GRM7: variants seen among roughly 807,000 people sequenced by gnomAD.
GRM7 encodes glutamate metabotropic receptor 7, also known as metabotropic glutamate receptor 7.
Under a neutral mutation model 84.5 loss-of-function variants are expected in GRM7, and 35 were observed. The ratio of observed to expected loss-of-function variants is 0.41; its 90% CI spans 0.32 to 0.55. The LOEUF (loss-of-function observed/expected upper bound fraction) is 0.55, where lower values mean the gene tolerates loss of function less well. GRM7 is among the 20% of genes least tolerant of loss of function. The pLI, the probability that GRM7 is intolerant of heterozygous loss-of-function variation, is 0.19. For synonymous variants in GRM7, 487 were observed against 455.1 expected, an observed-to-expected ratio of 1.07 and a Z score of -0.89; for missense variants, 1,003 against 1,194.6, an observed-to-expected ratio of 0.84 and a Z score of 2.36.
At chr3:7,379,668 A>G (rs1158929324) in intron 4 of GRM7, among the ~76,000 whole-genome samples, 1 of 152,184 alleles carries the variant, frequency 6.6e-6, no homozygotes, top group Non-Finnish European at 1.5e-5. Flanking sequence ...GAATGCAAGT[A>G]TGTTAATTTT....
chr3:7,018,197 G>C (rs1174240451), intron 1 of GRM7, among the ~76,000 whole-genome samples: 1 of 152,126 alleles, frequency 6.6e-6, no homozygotes, highest in East Asian at 1.9e-4. Flanking sequence ...AAGAAGTACT[G>C]TATTTACATT....
chr3:7,392,882 C>T (rs1045212416), intron 4 of GRM7, among the ~76,000 whole-genome samples: 2 of 152,156 alleles, frequency 1.3e-5, no homozygotes, highest in Admixed American at 6.5e-5. Context: ...TGTTACAGGG[C>T]AGTGGGCATT....
At chr3:6,957,020 T>C (rs1328822862) in intron 1 of GRM7, among the ~76,000 whole-genome samples, 1 of 152,234 alleles carries the variant, frequency 6.6e-6, no homozygotes, top group Non-Finnish European at 1.5e-5. Context: ...TTTAACCTTC[T>C]ATTTATATGT....
intron 1 of GRM7, among the ~76,000 whole-genome samples, chr3:6,889,847 G>A (rs1368852517): frequency 1.3e-5 from 2 of 152,132 alleles, no homozygotes; most frequent in African/African-American, 2.4e-5. Context: ...ATTCGGCTGT[G>A]AATCCATCTG....
At chr3:7,095,435 C>T (rs1443303725) in intron 1 of GRM7, among the ~76,000 whole-genome samples, 1 of 152,078 alleles carries the variant, frequency 6.6e-6, no homozygotes, top group Non-Finnish European at 1.5e-5. Flanking sequence ...TTGGGTTTGG[C>T]AAGTCATGTT....
At chr3:7,252,689 C>CTTTTTTTCTTTTCTTTTTTTCTTTTG (rs372263486) in intron 2 of GRM7, among the ~76,000 whole-genome samples, 1 of 113,650 alleles carries the variant, frequency 8.8e-6, no homozygotes, top group Non-Finnish European at 1.9e-5. Flanking sequence ...TTCTTTTTTT[C>CTTTTTTTCTTTTCTTTTTTTCTTTTG]TTTTCTTTTC....
At chr3:6,984,672 G>A (rs996919135) in intron 1 of GRM7, among the ~76,000 whole-genome samples, 1 of 151,976 alleles carries the variant, frequency 6.6e-6, no homozygotes, top group Non-Finnish European at 1.5e-5. Flanking sequence ...TCTGGATCTT[G>A]CACTCACCCT....
intron 8 of GRM7, among the ~76,000 whole-genome samples, chr3:7,647,125 A>G (rs1321252220): frequency 6.6e-6 from 1 of 152,204 alleles, no homozygotes; most frequent in Non-Finnish European, 1.5e-5. Context: ...GAAGGAAAGA[A>G]CCCGTGTGGG....
At chr3:7,261,476 C>T (rs1172020220) in intron 2 of GRM7, among the ~76,000 whole-genome samples, 3 of 152,150 alleles carry the variant, frequency 2.0e-5, no homozygotes, top group East Asian at 1.9e-4. Flanking sequence ...TTACTCTCAA[C>T]GTATGGGTGT....
At chr3:6,870,395 T>G (rs576535544) in intron 1 of GRM7, among the ~76,000 whole-genome samples, 179 of 152,234 alleles carry the variant, frequency 1.2e-3, no homozygotes, top group African/African-American at 4.2e-3. Context: ...GCCTGGCATG[T>G]TAGAAGAATA....
chr3:7,729,371 A>G (rs1288741738), intron 9 of GRM7, among the ~76,000 whole-genome samples: 2 of 152,202 alleles, frequency 1.3e-5, no homozygotes, highest in Non-Finnish European at 2.9e-5. Flanking sequence ...GCAGTTTAAA[A>G]TAACTCCTAT....
intron 4 of GRM7, among the ~76,000 whole-genome samples, chr3:7,324,573 T>A (rs1700912320): frequency 6.6e-6 from 1 of 152,178 alleles, no homozygotes; most frequent in Non-Finnish European, 1.5e-5. Flanking sequence ...TCCCCTCAAG[T>A]GACCTAGTTC....
chr3:7,677,284 A>ACC (rs1203493574), intron 8 of GRM7, among the ~76,000 whole-genome samples: 2,454 of 149,342 alleles, frequency 0.016, 87 homozygotes, highest in African/African-American at 0.059. Context: ...AAAAAAAAAA[A>ACC]AAAAAAAAAA....
intron 2 of GRM7, among the ~76,000 whole-genome samples, chr3:7,240,120 GTTTTTTTTTTT>G (rs397988598): frequency 3.8e-5 from 2 of 52,732 alleles, no homozygotes; most frequent in Non-Finnish European, 6.7e-5. Flanking sequence ...AGCATGTGAG[GTTTTTTTTTTT>G]TTTTTTTTTT....
intron 2 of GRM7, among the ~76,000 whole-genome samples, chr3:7,291,028 A>C (rs1043679506): frequency 2.7e-5 from 4 of 150,884 alleles, no homozygotes; most frequent in Admixed American, 2.6e-4. Context: ...TCCCTCTCTC[A>C]CCTAACAATC....
intron 4 of GRM7, among the ~76,000 whole-genome samples, chr3:7,352,732 G>A (rs983983527): frequency 2.0e-5 from 3 of 151,924 alleles, no homozygotes; most frequent in Non-Finnish European, 4.4e-5. Context: ...TTTTTGCCTG[G>A]GGAAGTGACT....
At chr3:7,627,590 T>C (rs1054136697) in intron 8 of GRM7, among the ~76,000 whole-genome samples, 2 of 152,348 alleles carry the variant, frequency 1.3e-5, no homozygotes, top group South Asian at 2.1e-4. Context: ...TGGAAAACAC[T>C]TGAACTTGAA....
chr3:7,261,862 C>T (rs1463775091), intron 2 of GRM7, among the ~76,000 whole-genome samples: 1 of 136,536 alleles, frequency 7.3e-6, no homozygotes, highest in East Asian at 2.3e-4. Flanking sequence ...TTAGTTTGGC[C>T]GGATACAAAG....
chr3:7,044,677 C>CT (rs1427805644), intron 1 of GRM7, among the ~76,000 whole-genome samples: 4 of 152,162 alleles, frequency 2.6e-5, no homozygotes, highest in East Asian at 1.9e-4. Context: ...TTTTCTACGG[C>CT]TTTTTTTCTC....
Sources: allele counts gnomAD v4.1 joint callset (sites outside exome capture counted in the v4.1 genomes callset), GRCh38; gene constraint gnomAD v4.1.1; transcripts MANE v1.5; gene names NCBI Gene and HGNC (gene_info 2026-07-23, HGNC 2026-07-21).